Variants in ZNF438 observed in about 807,000 individuals in gnomAD.
ZNF438 encodes zinc finger protein 438.
In ZNF438, 25 loss-of-function variants were observed where a neutral mutation model predicts 38.0. The ratio of observed to expected loss-of-function variants is 0.66; its 90% CI spans 0.48 to 0.92. ZNF438 has a LOEUF of 0.92. ZNF438 is among the 40% of genes least tolerant of loss of function. ZNF438 has a pLI of 0.00. For missense variants in ZNF438, 1,007 were observed against 999.6 expected, an observed-to-expected ratio of 1.01 and a Z score of -0.10; for synonymous variants, 372 against 364.1, an observed-to-expected ratio of 1.02 and a Z score of -0.25.
At chr10:30,930,413 G>T (rs921336945) in intron 2 of ZNF438, among the ~76,000 whole-genome samples, 1 of 151,956 alleles carries the variant, frequency 6.6e-6, no homozygotes, top group African/African-American at 2.4e-5. Flanking sequence ...GTTCCCACCC[G>T]CGCATCTCCC....
intron 1 of ZNF438, among the ~76,000 whole-genome samples, chr10:31,022,956 A>C (rs1374728699): frequency 1.3e-5 from 2 of 152,232 alleles, no homozygotes; most frequent in Non-Finnish European, 2.9e-5. Context: ...TGTGTTGATT[A>C]TAATGCTTCC....
At chr10:30,961,190 AACTAACC>A (rs1353354622) in intron 1 of ZNF438, among the ~76,000 whole-genome samples, 1 of 144,312 alleles carries the variant, frequency 6.9e-6, no homozygotes, top group Non-Finnish European at 1.6e-5. Flanking sequence ...ATACATATGT[AACTAACC>A]TGCACAATGC....
chr10:30,845,357 A>T (rs143808981), exon 6 of ZNF438: 1 of 1,614,148 alleles, frequency 6.2e-7, no homozygotes, highest in Non-Finnish European at 8.5e-7. Flanking sequence ...AGTCGGGGCT[A>T]GCGTGCTGCA....
intron 3 of ZNF438, among the ~76,000 whole-genome samples, chr10:30,901,788 G>A (rs186057109): frequency 3.3e-5 from 5 of 152,226 alleles, no homozygotes; most frequent in Non-Finnish European, 7.4e-5. Context: ...GGACCCTCAC[G>A]GTGAGTGTTA....
intron 1 of ZNF438, among the ~76,000 whole-genome samples, chr10:30,977,828 CA>C (rs1316938185): frequency 1.3e-5 from 2 of 151,728 alleles, no homozygotes; most frequent in African/African-American, 2.4e-5. Context: ...ACTAAAAATA[CA>C]AAAACTAGCC....
intron 1 of ZNF438, among the ~76,000 whole-genome samples, chr10:31,000,811 TA>T (rs1017990293): frequency 5.2e-4 from 79 of 152,328 alleles, no homozygotes; most frequent in African/African-American, 1.7e-3. Context: ...TTCCTTGTTA[TA>T]ATCACTGATC....
At chr10:30,888,606 A>G (rs1287016601) in intron 3 of ZNF438, among the ~76,000 whole-genome samples, 4 of 152,102 alleles carry the variant, frequency 2.6e-5, no homozygotes, top group Non-Finnish European at 4.4e-5. Context: ...GCTCCCACTT[A>G]TAAGTGAGAA....
At chr10:30,866,326 G>A (rs2036423127) in intron 4 of ZNF438, among the ~76,000 whole-genome samples, 1 of 152,178 alleles carries the variant, frequency 6.6e-6, no homozygotes, top group East Asian at 1.9e-4. Flanking sequence ...GACATATGCT[G>A]AAATATGTTG....
rs139772286 is a variant in ZNF438, at chr10:30,982,934, G to A, written c.-191-41283C>T. 4.0e-3 allele frequency among the ~76,000 whole-genome samples: 607 copies of A among 152,152 alleles called. 3 individuals are homozygous for A. Among genetic ancestry groups the A allele is most frequent in the Middle Eastern group, 0.017 (5 of 294 alleles). On this transcript the variant is annotated intron_variant, in intron 1 of 5. Transcript: ENST00000413025. ...GTAAGAATTATATTCATCTTTATTC[G>A]TACTTGTTAACAATACATCTACCAT...
At chr10:30,860,173 C>T (rs547531794) in intron 4 of ZNF438, among the ~76,000 whole-genome samples, 1 of 152,306 alleles carries the variant, frequency 6.6e-6, no homozygotes, top group African/African-American at 2.4e-5. Flanking sequence ...TCATCGGACC[C>T]GCATTCCAGA....
At chr10:30,854,116 G>C in intron 4 of ZNF438, among the ~76,000 whole-genome samples, 1 of 152,272 alleles carries the variant, frequency 6.6e-6, no homozygotes, top group South Asian at 2.1e-4. Flanking sequence ...TCAGCAGATC[G>C]AGACCATCCT....
chr10:30,981,590 T>C (rs1398011983), intron 1 of ZNF438, among the ~76,000 whole-genome samples: 3 of 152,062 alleles, frequency 2.0e-5, no homozygotes, highest in Middle Eastern at 3.2e-3. Flanking sequence ...ACATAGAAAA[T>C]GTTCAGGCCG....
At chr10:30,869,387 A>AAAAG (rs2037014307) in intron 4 of ZNF438, among the ~76,000 whole-genome samples, 1 of 150,566 alleles carries the variant, frequency 6.6e-6, no homozygotes, top group African/African-American at 2.5e-5. Context: ...AAACAAAACA[A>AAAAG]AAAAGAAAAG....
At chr10:30,974,472 A>C (rs1365029219) in intron 1 of ZNF438, among the ~76,000 whole-genome samples, 7 of 152,210 alleles carry the variant, frequency 4.6e-5, no homozygotes, top group Non-Finnish European at 8.8e-5. Flanking sequence ...AATCGTTTCA[A>C]GAAAACAAAA....
At chr10:30,910,874 C>A (rs937518200) in intron 2 of ZNF438, among the ~76,000 whole-genome samples, 5 of 151,634 alleles carry the variant, frequency 3.3e-5, no homozygotes, top group Non-Finnish European at 7.4e-5. Flanking sequence ...TATGAAAAAT[C>A]GAAACTAAAA....
chr10:30,868,260 G>A (rs1391597544), intron 4 of ZNF438, among the ~76,000 whole-genome samples: 1 of 151,930 alleles, frequency 6.6e-6, no homozygotes. Context: ...TAGTAGAGAT[G>A]GGGTTTCACT....
At chr10:31,026,924 G>A (rs545282140) in intron 1 of ZNF438, among the ~76,000 whole-genome samples, 1 of 152,306 alleles carries the variant, frequency 6.6e-6, no homozygotes, top group Admixed American at 6.5e-5. Flanking sequence ...AAAAAAGGAT[G>A]AGTTCATGTC....
intron 4 of ZNF438, among the ~76,000 whole-genome samples, chr10:30,853,486 G>T (rs1305638793): frequency 6.6e-6 from 1 of 152,168 alleles, no homozygotes; most frequent in African/African-American, 2.4e-5. Context: ...TGCACCTCCT[G>T]AGAGGAGGCT....
At chr10:30,977,764 C>T (rs556686954) in intron 1 of ZNF438, among the ~76,000 whole-genome samples, 1 of 151,908 alleles carries the variant, frequency 6.6e-6, no homozygotes, top group Non-Finnish European at 1.5e-5. Flanking sequence ...GCTAGCGGAT[C>T]GCAAGGTCAG....
Sources: allele counts gnomAD v4.1 joint callset (sites outside exome capture counted in the v4.1 genomes callset), GRCh38; gene constraint gnomAD v4.1.1; transcripts MANE v1.5; gene names NCBI Gene and HGNC (gene_info 2026-07-23, HGNC 2026-07-21).